MLLT10: variants seen among roughly 807,000 people sequenced by gnomAD.
The protein encoded by MLLT10 is protein AF-10.
In MLLT10, 30 loss-of-function variants were observed where a neutral mutation model predicts 129.1. The ratio of observed to expected loss-of-function variants is 0.23; its 90% CI spans 0.17 to 0.32. The LOEUF (loss-of-function observed/expected upper bound fraction) is 0.32, where lower values mean the gene tolerates loss of function less well. MLLT10 is among the 10% of genes least tolerant of loss of function. The pLI, the probability that MLLT10 is intolerant of heterozygous loss-of-function variation, is 1.00. For synonymous variants in MLLT10, 490 were observed against 446.4 expected, an observed-to-expected ratio of 1.10 and a Z score of -1.23; for missense variants, 1,119 against 1,268.3, an observed-to-expected ratio of 0.88 and a Z score of 1.79.
chr10:21,556,785 T>C, intron 3 of MLLT10: 1 of 1,591,908 alleles, frequency 6.3e-7, no homozygotes, highest in Non-Finnish European at 8.6e-7. Flanking sequence ...ATGCATTGCT[T>C]TTGGGCTTGT....
At chr10:21,723,744 C>T (rs2057292246) in intron 14 of MLLT10, among the ~76,000 whole-genome samples, 1 of 152,004 alleles carries the variant, frequency 6.6e-6, no homozygotes, top group Non-Finnish European at 1.5e-5. Flanking sequence ...ACTGTTTCTT[C>T]CTCCTTCTAA....
intron 8 of MLLT10, among the ~76,000 whole-genome samples, chr10:21,648,026 A>G (rs2048666710): frequency 6.6e-6 from 1 of 152,112 alleles, no homozygotes. Flanking sequence ...TTTGTCTAAG[A>G]TATTTTCCCC....
intron 8 of MLLT10, among the ~76,000 whole-genome samples, chr10:21,628,315 G>T (rs558829959): frequency 6.6e-6 from 1 of 152,100 alleles, no homozygotes; most frequent in Admixed American, 6.5e-5. Flanking sequence ...AACATTTATA[G>T]TCTCACAGCT....
In MLLT10 at chr10:21,723,123, A is replaced by G. The variant is rs2057247491; in HGVS notation, c.1879-3121A>G. 2.0e-5 allele frequency among the ~76,000 whole-genome samples: 3 copies of G among 152,150 alleles called. No individual in the cohort carries two copies. In the South Asian group the frequency reaches 6.2e-4, roughly 31 times the overall value. On this transcript the variant is annotated intron_variant, in intron 14 of 22. Coordinates refer to ENST00000307729, the MANE Select transcript of MLLT10 (RefSeq NM_001195626.3). ...AACTTTTGCCAGCCATCTTTTAAAAATAGATACTTTCCTTCTTTAGCATAC... is the reference window on the plus strand; with the variant it reads ...AACTTTTGCCAGCCATCTTTTAAAAGTAGATACTTTCCTTCTTTAGCATAC...
chr10:21,563,141 C>T (rs1354212949), intron 3 of MLLT10, among the ~76,000 whole-genome samples: 3 of 152,098 alleles, frequency 2.0e-5, no homozygotes, highest in Non-Finnish European at 2.9e-5. Context: ...TTCCTCCTGC[C>T]GCCAGACTTA....
intron 9 of MLLT10, among the ~76,000 whole-genome samples, chr10:21,661,440 T>C (rs1196528187): frequency 6.6e-6 from 1 of 152,224 alleles, no homozygotes; most frequent in African/African-American, 2.4e-5. Context: ...TTGACTTCTT[T>C]TGTTAGTCAC....
At position 21,661,884 on chromosome 10, in the gene MLLT10, G is replaced by A. The variant is rs895494197; in HGVS notation, c.796-8565G>A. The stretch of plus-strand genomic sequence containing the variant: ...ACCATTGCCATTTAAGGTGATTATT[G>A]ATATAATTGGGTTAATATCTACCAT... On this transcript the variant is annotated intron_variant, in intron 9 of 22. Coordinates refer to ENST00000307729, the MANE Select transcript of MLLT10 (RefSeq NM_001195626.3). 4 of 151,946 alleles carry A rather than the reference G, an allele frequency of 2.6e-5. No individual in the cohort carries two copies. The East Asian group carries it at 5.8e-4, about 22-fold the overall frequency. The allele number at this position is 151,946 out of a possible 1,614,324, so 9.4% of individuals were successfully genotyped here.
At chr10:21,641,105 T>C (rs2047957574) in intron 8 of MLLT10, among the ~76,000 whole-genome samples, 1 of 152,212 alleles carries the variant, frequency 6.6e-6, no homozygotes, top group African/African-American at 2.4e-5. Context: ...ACTGGCTGCA[T>C]GTAACTGCAA....
At chr10:21,732,838 TA>T in intron 17 of MLLT10, 60 bp from the exon 18 acceptor site, 1 of 1,400,506 alleles carries the variant, frequency 7.1e-7, no homozygotes, top group Non-Finnish European at 9.7e-7. Flanking sequence ...CGGCACTGCG[TA>T]AAATACTTAG....
Position 21,670,507 on chromosome 10 carries a change from C to G in MLLT10, c.854C>G (p.Thr285Ser), listed in dbSNP as rs757362164. The G allele has an allele frequency of 2.5e-6, 4 of 1,613,988 alleles. No homozygotes were observed. The highest frequency in any genetic ancestry group is 8.5e-7 in the Non-Finnish European group (1 of 1,179,996). The change falls in exon 10 of 23, where the codon ACT (threonine) becomes AGT (serine). Residue 285 changes from threonine to serine, a missense_variant. Coordinates refer to ENST00000307729, the MANE Select transcript of MLLT10 (RefSeq NM_001195626.3). ...ISGSLKRLED[T>S]TARFTNANFQ... The stretch of plus-strand genomic sequence containing the variant: ...GGATCATTGAAGCGCTTGGAAGATA[C>G]TACTGCACGATTTACAAATGCAAAT...
At chr10:21,714,048 T>G in intron 14 of MLLT10, 98 bp downstream of exon 14, 1 of 989,170 alleles carries the variant, frequency 1.0e-6, no homozygotes, top group Non-Finnish European at 1.4e-6. Context: ...GGGCCTTCTA[T>G]AGGAATTTAT....
At chr10:21,553,875 C>G (rs963155612) in intron 3 of MLLT10, among the ~76,000 whole-genome samples, 1 of 152,158 alleles carries the variant, frequency 6.6e-6, no homozygotes, top group Non-Finnish European at 1.5e-5. Context: ...GTTTCGAACT[C>G]CTGAACACAG....
chr10:21,581,587 T>C (rs1441462475), intron 3 of MLLT10, among the ~76,000 whole-genome samples: 1 of 152,140 alleles, frequency 6.6e-6, no homozygotes, highest in African/African-American at 2.4e-5. Flanking sequence ...CCCTATGTGT[T>C]GAAGGAGGGA....
At chr10:21,740,867 A>G (rs975221735) in intron 22 of MLLT10, among the ~76,000 whole-genome samples, 1 of 152,160 alleles carries the variant, frequency 6.6e-6, no homozygotes, top group Non-Finnish European at 1.5e-5. Context: ...AATTAGGTCT[A>G]CTTTACTGGA....
At chr10:21,700,331 G>A (rs369485675) in intron 13 of MLLT10, among the ~76,000 whole-genome samples, 55 of 152,104 alleles carry the variant, frequency 3.6e-4, no homozygotes, top group African/African-American at 1.3e-3. Flanking sequence ...TTTTACTTCC[G>A]TATGGAAGTC....
chr10:21,534,117 G>T (rs977328731), upstream of MLLT10: 4 of 304,012 alleles, frequency 1.3e-5, no homozygotes, highest in Non-Finnish European at 1.8e-5. Flanking sequence ...GAGCGGCGCG[G>T]GGGAGGGGGA....
chr10:21,551,863 C>T (rs982369347), intron 3 of MLLT10: 1 of 375,602 alleles, frequency 2.7e-6, no homozygotes, highest in Non-Finnish European at 5.1e-6. Flanking sequence ...GGTGTGATCT[C>T]AGCCCACTGC....
intron 14 of MLLT10, among the ~76,000 whole-genome samples, chr10:21,721,833 T>G (rs1380491991): frequency 2.6e-5 from 4 of 152,110 alleles, no homozygotes; most frequent in Non-Finnish European, 5.9e-5. Flanking sequence ...TTATTCAATT[T>G]ATTCTTAATC....
intron 9 of MLLT10, among the ~76,000 whole-genome samples, chr10:21,665,516 T>TA (rs1474618421): frequency 6.6e-6 from 1 of 151,114 alleles, no homozygotes; most frequent in Non-Finnish European, 1.5e-5. Flanking sequence ...TCCAGCTCCT[T>TA]ACCTCAGGTG....
Sources: gnomAD v4.1 joint callset for allele counts (sites outside exome capture counted in the v4.1 genomes callset) on GRCh38, gnomAD v4.1.1 for gene constraint, MANE v1.5 for transcripts, NCBI Gene and HGNC (gene_info 2026-07-23, HGNC 2026-07-21) for gene names.